TYW1B: variants seen among roughly 807,000 people sequenced by gnomAD.
The protein encoded by TYW1B is S-adenosyl-L-methionine-dependent tRNA 4-demethylwyosine synthase TYW1B.
A neutral mutation model predicts 86.9 loss-of-function variants in TYW1B; 73 were observed. The ratio of observed to expected loss-of-function variants is 0.84; its 90% CI spans 0.70 to 1.02. The LOEUF is 1.02. Ranked by LOEUF, TYW1B falls within the 50% of genes least tolerant of loss-of-function variation. TYW1B has a pLI of 0.00. For synonymous variants in TYW1B, 248 were observed against 292.8 expected, an observed-to-expected ratio of 0.85 and a Z score of 1.56; for missense variants, 637 against 827.4, an observed-to-expected ratio of 0.77 and a Z score of 2.82.
chr7:72,580,389 C>T (rs549144032), intron 13 of TYW1B, among the ~76,000 whole-genome samples: 67 of 152,256 alleles, frequency 4.4e-4, no homozygotes, highest in Non-Finnish European at 8.5e-4. Flanking sequence ...TCCTGAGACA[C>T]GAGGTCACCC....
chr7:72,810,305 G>A (rs1234284692), intron 4 of TYW1B, among the ~76,000 whole-genome samples, 166 bp downstream of exon 4: 3 of 152,086 alleles, frequency 2.0e-5, no homozygotes, highest in East Asian at 3.8e-4. Flanking sequence ...AATAATAGAA[G>A]AAATGTATTT....
intron 11 of TYW1B, among the ~76,000 whole-genome samples, chr7:72,677,811 C>G (rs1554447731): frequency 6.6e-6 from 1 of 151,986 alleles, no homozygotes; most frequent in African/African-American, 2.4e-5. Flanking sequence ...AAGTGATTCT[C>G]CTGCCTCAGC....
At chr7:72,629,354 C>T (rs146295692) in intron 11 of TYW1B, among the ~76,000 whole-genome samples, 1,779 of 152,266 alleles carry the variant, frequency 0.012, 37 homozygotes, top group African/African-American at 0.041. Flanking sequence ...TTGAAATGCC[C>T]TCTAGGCTTT....
intron 10 of TYW1B, among the ~76,000 whole-genome samples, chr7:72,699,863 T>A (rs1554452164): frequency 1.3e-5 from 2 of 152,130 alleles, no homozygotes; most frequent in Non-Finnish European, 2.9e-5. Flanking sequence ...TTGGCCAGGC[T>A]GGTCTTAAAC....
At chr7:72,613,612 T>C (rs1811992198) in intron 13 of TYW1B, among the ~76,000 whole-genome samples, 1 of 151,962 alleles carries the variant, frequency 6.6e-6, no homozygotes, top group Non-Finnish European at 1.5e-5. Context: ...TTCACTATGT[T>C]GGCCAGGTTG....
chr7:72,828,126 G>A lies in TYW1B; in HGVS notation c.-51C>T, dbSNP rs540684027. 10 of 1,611,394 alleles carry A rather than the reference G, an allele frequency of 6.2e-6. No individual in the cohort carries two copies. The African/African-American group carries it at 6.7e-5, about 11-fold the overall frequency. On this transcript the variant is annotated 5_prime_UTR_variant, in exon 1 of 14. Coordinates refer to ENST00000620995, the MANE Select transcript of TYW1B (RefSeq NM_001145440.3). ...GGATCTCGGACCTGGAGAGCCCAAA[G>A]GTTCGCACTGGTACTGCGAGACGCA...
chr7:72,700,154 ACTTTTTTTT>A (rs1814428227), intron 10 of TYW1B, among the ~76,000 whole-genome samples: 4 of 91,126 alleles, frequency 4.4e-5, no homozygotes, highest in African/African-American at 1.7e-4. Flanking sequence ...GAGCTTTTAC[ACTTTTTTTT>A]TTTTTTTTTT....
chr7:72,701,854 G>A (rs1283892577), intron 10 of TYW1B, among the ~76,000 whole-genome samples: 1 of 152,202 alleles, frequency 6.6e-6, no homozygotes, highest in East Asian at 1.9e-4. Flanking sequence ...CTTTGTCAAG[G>A]GGCTCTGTGT....
rs561266937 is a variant in TYW1B at position 72,623,311 on chromosome 7, C to G, written c.1617+5576G>C. Among the ~76,000 whole-genome samples the G allele has an allele frequency of 1.5e-4, 23 of 152,138 alleles. No homozygotes were observed. The East Asian group carries it at 4.4e-3, about 29-fold the overall frequency. On this transcript the variant is annotated intron_variant, in intron 12 of 13. Transcript: ENST00000620995. ...GTCTGCATCTGCAGGGAGCTCCAGG[C>G]ATATCTGTGAATCTAGGGCCAATTT...
At chr7:72,602,831 AAAACACAC>A (rs1554434013) in intron 13 of TYW1B, among the ~76,000 whole-genome samples, 7 of 100,976 alleles carry the variant, frequency 6.9e-5, no homozygotes, top group Non-Finnish European at 1.2e-4. Flanking sequence ...GAAAGTGCTC[AAAACACAC>A]ACACACACAC....
chr7:72,694,066 T>G (rs1585908198), intron 11 of TYW1B, among the ~76,000 whole-genome samples: 1 of 152,274 alleles, frequency 6.6e-6, no homozygotes, highest in Non-Finnish European at 1.5e-5. Flanking sequence ...GTTCAAGTGA[T>G]TCTCCTGCCT....
chr7:72,671,687 C>T (rs1813604387), intron 11 of TYW1B, among the ~76,000 whole-genome samples: 1 of 151,940 alleles, frequency 6.6e-6, no homozygotes, highest in South Asian at 2.1e-4. Context: ...TTTCTATTTT[C>T]TTATTTTCTA....
intron 11 of TYW1B, among the ~76,000 whole-genome samples, chr7:72,686,309 C>T (rs1157517276): frequency 6.6e-6 from 1 of 152,126 alleles, no homozygotes; most frequent in African/African-American, 2.4e-5. Flanking sequence ...TGGAAGAAAC[C>T]AGGATGTCCT....
At chr7:72,587,021 C>T (rs527840406) in intron 13 of TYW1B, among the ~76,000 whole-genome samples, 1 of 152,122 alleles carries the variant, frequency 6.6e-6, no homozygotes, top group Non-Finnish European at 1.5e-5. Flanking sequence ...CACTCAAGGG[C>T]TTTTATGTAA....
chr7:72,578,527 G>A (rs1262532190), intron 13 of TYW1B, among the ~76,000 whole-genome samples: 1 of 152,156 alleles, frequency 6.6e-6, no homozygotes. Context: ...CCATAGAATA[G>A]AAGGGACTGC....
At chr7:72,625,077 T>C (rs1349853047) in intron 12 of TYW1B, among the ~76,000 whole-genome samples, 13 of 151,558 alleles carry the variant, frequency 8.6e-5, no homozygotes, top group African/African-American at 2.9e-4. Context: ...AAAAAAAAAT[T>C]TAATTGTGGT....
At chr7:72,597,764 T>C (rs1344953300) in intron 13 of TYW1B, among the ~76,000 whole-genome samples, 2 of 151,956 alleles carry the variant, frequency 1.3e-5, no homozygotes, top group Non-Finnish European at 2.9e-5. Flanking sequence ...TCTAGAAAAA[T>C]ACACATTACA....
At chr7:72,802,626 T>TC (rs1788422291) in intron 5 of TYW1B, 104 bp from the exon 6 acceptor site, 2 of 1,504,068 alleles carry the variant, frequency 1.3e-6, no homozygotes, top group Admixed American at 2.4e-5. Flanking sequence ...TAAATTCTTT[T>TC]TTTTTTTTCT....
chr7:72,660,366 C>T (rs138508640), intron 11 of TYW1B, among the ~76,000 whole-genome samples: 1,777 of 152,028 alleles, frequency 0.012, 36 homozygotes, highest in African/African-American at 0.041. Context: ...AGAGCAAGTC[C>T]CTGTCTCCAA....
Sources: gnomAD v4.1 joint callset for allele counts (sites outside exome capture counted in the v4.1 genomes callset) on GRCh38, gnomAD v4.1.1 for gene constraint, MANE v1.5 for transcripts, NCBI Gene and HGNC (gene_info 2026-07-23, HGNC 2026-07-21) for gene names.